CDKAL1: variants seen among roughly 807,000 people sequenced by gnomAD.
The protein encoded by CDKAL1 is threonylcarbamoyladenosine tRNA methylthiotransferase.
CDKAL1 carries 32 observed loss-of-function variants against 68.2 expected under a neutral mutation model. The ratio of observed to expected loss-of-function variants is 0.47; its 90% CI spans 0.35 to 0.63. The LOEUF is 0.63. Among genes scored for constraint, CDKAL1 ranks in the 30% least tolerant of loss-of-function variants. CDKAL1 has a pLI of 0.00. For synonymous variants in CDKAL1, 234 were observed against 244.3 expected (o/e 0.96, Z 0.39); for missense variants, 606 against 696.7 (o/e 0.87, Z 1.47).
chr6:21,165,063 A>T (rs187251683), intron 13 of CDKAL1, among the ~76,000 whole-genome samples: 21 of 152,346 alleles, frequency 1.4e-4, no homozygotes, highest in African/African-American at 4.8e-4. Flanking sequence ...TCTTCAAAGG[A>T]ATAAACTTCC....
intron 13 of CDKAL1, among the ~76,000 whole-genome samples, chr6:21,128,052 C>T (rs1358593737): frequency 2.0e-5 from 3 of 152,190 alleles, no homozygotes; most frequent in African/African-American, 7.2e-5. Flanking sequence ...CATAAACACA[C>T]GGTCCCTGAC....
chr6:20,753,420 T>C (rs747750181), intron 6 of CDKAL1, among the ~76,000 whole-genome samples: 12 of 152,180 alleles, frequency 7.9e-5, no homozygotes, highest in Non-Finnish European at 1.3e-4. Context: ...TACTGTACCT[T>C]TTATATGTTT....
intron 5 of CDKAL1, among the ~76,000 whole-genome samples, chr6:20,712,616 A>C (rs1046199491): frequency 2.0e-5 from 3 of 152,100 alleles, no homozygotes; most frequent in African/African-American, 7.2e-5. Context: ...ACTAATGTTC[A>C]AAATGATTGT....
intron 5 of CDKAL1, among the ~76,000 whole-genome samples, chr6:20,716,766 A>T (rs1772116501): frequency 6.6e-6 from 1 of 150,814 alleles, no homozygotes; most frequent in South Asian, 2.1e-4. Flanking sequence ...ACCTGAGTTG[A>T]TATGTTATAT....
Position 21,100,938 on chromosome 6 carries a change from A to G in CDKAL1, c.1237-7463A>G, listed in dbSNP as rs555684077. Among the ~76,000 whole-genome samples the G allele has an allele frequency of 2.6e-5, 4 of 152,346 alleles. No homozygotes were observed. In the East Asian group the frequency reaches 7.7e-4, roughly 29 times the overall value. On this transcript the variant is annotated intron_variant, in intron 12 of 15. Coordinates refer to ENST00000274695, the MANE Select transcript of CDKAL1 (RefSeq NM_017774.3). The stretch of plus-strand genomic sequence containing the variant: ...CTGATGCTTTACACATTGATAACAC[A>G]GTAAAGAGTCCAGTGTATTAAGTTA...
intron 12 of CDKAL1, among the ~76,000 whole-genome samples, chr6:21,086,403 T>C (rs755614907): frequency 3.9e-5 from 6 of 152,234 alleles, no homozygotes; most frequent in Non-Finnish European, 8.8e-5. Flanking sequence ...AAAATTTTAC[T>C]CATTTAAAGA....
intron 9 of CDKAL1, among the ~76,000 whole-genome samples, chr6:20,952,044 C>T (rs570829979): frequency 5.3e-5 from 8 of 151,044 alleles, no homozygotes; most frequent in African/African-American, 1.7e-4. Flanking sequence ...CTGTAAGCTC[C>T]GCCTCCCAGG....
intron 4 of CDKAL1, among the ~76,000 whole-genome samples, chr6:20,624,556 T>C (rs1477396107): frequency 1.3e-5 from 2 of 151,998 alleles, no homozygotes; most frequent in Admixed American, 6.6e-5. Flanking sequence ...CTTAATGTTC[T>C]TAACAACTTG....
At chr6:20,772,296 G>A (rs1316125811) in intron 7 of CDKAL1, among the ~76,000 whole-genome samples, 2 of 152,176 alleles carry the variant, frequency 1.3e-5, no homozygotes, top group African/African-American at 2.4e-5. Context: ...GTCTGTTGTA[G>A]CAAGACAGCT....
At chr6:20,842,877 ATAAT>A (rs764396088) in intron 8 of CDKAL1, among the ~76,000 whole-genome samples, 7 of 152,198 alleles carry the variant, frequency 4.6e-5, no homozygotes, top group Non-Finnish European at 8.8e-5. Flanking sequence ...GTCAACAACT[ATAAT>A]TAACCCCAAG....
intron 12 of CDKAL1, among the ~76,000 whole-genome samples, chr6:21,101,245 A>T (rs957427175): frequency 3.3e-5 from 5 of 152,198 alleles, no homozygotes. Context: ...GACCTTTGGG[A>T]TCGTCTTGAC....
intron 8 of CDKAL1, among the ~76,000 whole-genome samples, chr6:20,784,398 C>T (rs1252961735): frequency 7.6e-4 from 81 of 106,542 alleles, no homozygotes; most frequent in African/African-American, 1.9e-3. Flanking sequence ...TTTTTTCTTC[C>T]AGATATTTTA....
At chr6:20,893,734 G>A (rs1464569961) in intron 9 of CDKAL1, among the ~76,000 whole-genome samples, 1 of 152,068 alleles carries the variant, frequency 6.6e-6, no homozygotes, top group Non-Finnish European at 1.5e-5. Context: ...GCAAAATGAG[G>A]ATAATAACAG....
chr6:21,089,452 G>A (rs1401132951), intron 12 of CDKAL1, among the ~76,000 whole-genome samples: 1 of 152,180 alleles, frequency 6.6e-6, no homozygotes, highest in Admixed American at 6.5e-5. Context: ...ATTCCAGCCT[G>A]GGTAACAGAG....
chr6:20,854,357 C>G (rs1017975767), intron 9 of CDKAL1, among the ~76,000 whole-genome samples: 2 of 152,188 alleles, frequency 1.3e-5, no homozygotes, highest in African/African-American at 4.8e-5. Flanking sequence ...AAGAAAGAAA[C>G]CAAATGGTGA....
At chr6:20,605,751 A>G (rs6902661) in intron 4 of CDKAL1, among the ~76,000 whole-genome samples, 124,064 of 152,076 alleles carry the variant, frequency 0.82, 51,050 homozygotes, top group African/African-American at 0.93. Flanking sequence ...CAGTCGTGAA[A>G]TTTTCATGAC....
In CDKAL1 at chr6:21,203,328, C is replaced by A. The variant is rs935182454; in HGVS notation, c.1548+2054C>A. 4.0e-5 allele frequency among the ~76,000 whole-genome samples: 6 copies of A among 149,212 alleles called. No homozygotes were observed. The East Asian group carries it at 5.9e-4, about 15-fold the overall frequency. ...GTCAGCTCACTGCAGCCTCCACCCC[C>A]CAAGTTCAAGCAATTCTCATGCCTC... On this transcript the variant is annotated intron_variant, in intron 15 of 15. Transcript: ENST00000274695.
At position 21,158,462 on chromosome 6, in the gene CDKAL1, A is replaced by T. The variant is rs138905231; in HGVS notation, c.1300-39559A>T. Among the ~76,000 whole-genome samples the T allele has an allele frequency of 2.0e-5, 3 of 152,250 alleles. No individual in the cohort carries two copies. In the East Asian group the frequency reaches 5.8e-4, roughly 29 times the overall value. On this transcript the variant is annotated intron_variant, in intron 13 of 15. Coordinates refer to ENST00000274695, the MANE Select transcript of CDKAL1 (RefSeq NM_017774.3). ...TCTGATATGCTGCTCCTGCTTTGCC[A>T]GGGGGTGGGTTGGAGGGGACTCAAA...
chr6:21,176,612 C>T (rs909526213), intron 13 of CDKAL1, among the ~76,000 whole-genome samples: 4 of 151,412 alleles, frequency 2.6e-5, no homozygotes, highest in African/African-American at 9.7e-5. Flanking sequence ...TCTTATAAAG[C>T]ACAAGGCAGC....
Sources: allele counts gnomAD v4.1 joint callset (sites outside exome capture counted in the v4.1 genomes callset), GRCh38; gene constraint gnomAD v4.1.1; transcripts MANE v1.5; gene names NCBI Gene and HGNC (gene_info 2026-07-23, HGNC 2026-07-21).